Variants in EYS observed in about 807,000 individuals in gnomAD.
EYS encodes protein eyes shut homolog.
EYS carries 250 observed loss-of-function variants against 282.1 expected under a neutral mutation model. The ratio of observed to expected loss-of-function variants is 0.89; its 90% confidence interval spans 0.80 to 0.98. The LOEUF is 0.98. Ranked by LOEUF, EYS falls within the 50% of genes least tolerant of loss-of-function variation. The pLI is 0.00. For synonymous variants in EYS, 1,355 were observed against 1,282.9 expected (o/e 1.06, Z -1.20); for missense variants, 4,016 against 3,709.0 (o/e 1.08, Z -2.15).
intron 12 of EYS, among the ~76,000 whole-genome samples, chr6:65,079,865 T>G (rs1466573847): frequency 6.6e-6 from 1 of 152,100 alleles, no homozygotes; most frequent in Admixed American, 6.6e-5. Flanking sequence ...CCTCCCTTAT[T>G]GTTTCTCAAC....
intron 26 of EYS, among the ~76,000 whole-genome samples, chr6:64,588,187 A>G (rs1562077679): frequency 6.6e-6 from 1 of 152,120 alleles, no homozygotes; most frequent in Non-Finnish European, 1.5e-5. Flanking sequence ...CCAATTCAAA[A>G]TTAACTAGGA....
chr6:64,818,771 T>C (rs1764816251), intron 21 of EYS, among the ~76,000 whole-genome samples: 1 of 119,090 alleles, frequency 8.4e-6, no homozygotes, highest in Non-Finnish European at 1.7e-5. Context: ...GCTGATTAGA[T>C]TGTACCCACT....
intron 24 of EYS, among the ~76,000 whole-genome samples, chr6:64,616,178 T>A (rs964036069): frequency 6.6e-6 from 1 of 152,108 alleles, no homozygotes; most frequent in South Asian, 2.1e-4. Flanking sequence ...GCAGAAGACA[T>A]AGTTAAATAA....
At chr6:65,120,613 T>G (rs2150195491) in intron 12 of EYS, among the ~76,000 whole-genome samples, 1 of 152,272 alleles carries the variant, frequency 6.6e-6, no homozygotes, top group East Asian at 1.9e-4. Context: ...ATAGACAAGA[T>G]TCTGCACTTC....
intron 26 of EYS, among the ~76,000 whole-genome samples, chr6:64,589,791 A>G (rs1488199858): frequency 6.6e-6 from 1 of 152,142 alleles, no homozygotes; most frequent in Non-Finnish European, 1.5e-5. Context: ...GGAAATCTCA[A>G]GAAAGTTCCA....
chr6:64,284,938 C>T (rs1240249201), intron 30 of EYS, among the ~76,000 whole-genome samples: 1 of 152,204 alleles, frequency 6.6e-6, no homozygotes, highest in Non-Finnish European at 1.5e-5. Flanking sequence ...TATTAGACCT[C>T]TGGGCCTGTG....
chr6:65,626,364 C>G (rs1766691291), intron 2 of EYS, among the ~76,000 whole-genome samples: 3 of 152,110 alleles, frequency 2.0e-5, no homozygotes, highest in Admixed American at 6.5e-5. Context: ...AGATCATAGT[C>G]TTTGTTTTCT....
chr6:65,042,105 C>A (rs910824124), intron 13 of EYS, among the ~76,000 whole-genome samples: 1 of 151,558 alleles, frequency 6.6e-6, no homozygotes, highest in African/African-American at 2.4e-5. Context: ...AGTTACTGAT[C>A]AACTGACCCC....
intron 12 of EYS, among the ~76,000 whole-genome samples, chr6:65,258,417 T>C (rs1767530044): frequency 6.6e-6 from 1 of 152,026 alleles, no homozygotes; most frequent in African/African-American, 2.4e-5. Context: ...GATACAGGAT[T>C]CCTGTGAAGT....
intron 14 of EYS, among the ~76,000 whole-genome samples, chr6:64,959,425 C>A (rs1448952268): frequency 2.0e-5 from 3 of 151,898 alleles, no homozygotes; most frequent in Non-Finnish European, 2.9e-5. Context: ...TTTTTGAATT[C>A]AGGAATGAAG....
At chr6:65,040,170 G>A (rs1772891278) in intron 13 of EYS, among the ~76,000 whole-genome samples, 1 of 151,672 alleles carries the variant, frequency 6.6e-6, no homozygotes, top group African/African-American at 2.4e-5. Flanking sequence ...GTATTTGTGA[G>A]GCTACGCCAA....
intron 33 of EYS, among the ~76,000 whole-genome samples, chr6:64,054,889 A>G (rs1770930112): frequency 6.6e-6 from 1 of 152,234 alleles, no homozygotes; most frequent in African/African-American, 2.4e-5. Flanking sequence ...ATGGACATGA[A>G]GAAATGACTA....
At chr6:63,908,866 G>A (rs116109885) in intron 35 of EYS, among the ~76,000 whole-genome samples, 1,908 of 152,260 alleles carry the variant, frequency 0.013, 21 homozygotes, top group Middle Eastern at 0.037. Flanking sequence ...AGAATAGGGA[G>A]TGGAAAAAGA....
At chr6:63,961,350 C>A (rs1766050471) in intron 35 of EYS, among the ~76,000 whole-genome samples, 1 of 151,550 alleles carries the variant, frequency 6.6e-6, no homozygotes, top group Non-Finnish European at 1.5e-5. Flanking sequence ...TTGTTTCTGC[C>A]CCCCTTTAAC....
At chr6:65,660,072 G>T (rs1767952699) in intron 1 of EYS, among the ~76,000 whole-genome samples, 1 of 148,176 alleles carries the variant, frequency 6.7e-6, no homozygotes, top group Non-Finnish European at 1.5e-5. Context: ...TGAAGATAAG[G>T]GGCTGCTTAT....
chr6:65,620,250 C>T (rs1255056319), intron 2 of EYS, among the ~76,000 whole-genome samples: 1 of 152,262 alleles, frequency 6.6e-6, no homozygotes, highest in East Asian at 1.9e-4. Context: ...TTGGTCTATT[C>T]AGAGATTCAG....
At chr6:65,383,289 T>A (rs1481957737) in intron 8 of EYS, among the ~76,000 whole-genome samples, 1 of 151,988 alleles carries the variant, frequency 6.6e-6, no homozygotes, top group Non-Finnish European at 1.5e-5. Context: ...TTTTGTTAAA[T>A]GTTTTCTGAA....
At chr6:64,010,383 T>G (rs1768555802) in intron 33 of EYS, among the ~76,000 whole-genome samples, 1 of 96,500 alleles carries the variant, frequency 1.0e-5, no homozygotes, top group Non-Finnish European at 1.8e-5. Context: ...TGGCTGTGTG[T>G]GTGTTTGGTT....
chr6:63,782,115 G>C (rs1229649153), intron 39 of EYS, among the ~76,000 whole-genome samples: 1 of 152,130 alleles, frequency 6.6e-6, no homozygotes, highest in Non-Finnish European at 1.5e-5. Flanking sequence ...TGATCATGGT[G>C]GATAAGCTTT....
Sources: allele counts gnomAD v4.1 joint callset (sites outside exome capture counted in the v4.1 genomes callset), GRCh38; gene constraint gnomAD v4.1.1; transcripts MANE v1.5; gene names NCBI Gene and HGNC (gene_info 2026-07-23, HGNC 2026-07-21).